The following FANCI variants were observed in gnomAD, a reference collection of about 807,000 sequenced individuals.
FANCI encodes FA complementation group I.
FANCI carries 156 observed loss-of-function variants against 176.1 expected under a neutral mutation model. That is an observed-to-expected ratio of 0.89 (90% CI 0.78 to 1.01). The LOEUF is 1.01. FANCI is among the 50% of genes least tolerant of loss of function. The pLI is 0.00. For synonymous variants in FANCI, 613 were observed against 541.7 expected, an observed-to-expected ratio of 1.13 and a Z score of -1.83; for missense variants, 1,678 against 1,534.1, an observed-to-expected ratio of 1.09 and a Z score of -1.57.
intron 9 of FANCI, among the ~76,000 whole-genome samples, chr15:89,266,328 A>ATT (rs549962840): frequency 1.0e-4 from 13 of 130,078 alleles, no homozygotes; most frequent in South Asian, 5.0e-4. Flanking sequence ...TGCCTGGCTA[A>ATT]TTTTTTTTTT....
chr15:89,314,005 A>G (rs2055083424), intron 35 of FANCI, among the ~76,000 whole-genome samples: 1 of 150,978 alleles, frequency 6.6e-6, no homozygotes, highest in South Asian at 2.1e-4. Flanking sequence ...ACACACACAA[A>G]TGTAGGACCT....
intron 10 of FANCI, among the ~76,000 whole-genome samples, chr15:89,270,222 G>C (rs774271855): frequency 6.6e-6 from 1 of 152,156 alleles, no homozygotes; most frequent in Non-Finnish European, 1.5e-5. Context: ...GCTGTATGTA[G>C]TTTGCCAACC....
intron 20 of FANCI, among the ~76,000 whole-genome samples, chr15:89,292,073 G>A (rs1353667214): frequency 3.3e-5 from 5 of 152,218 alleles, no homozygotes; most frequent in African/African-American, 1.2e-4. Context: ...TCTAGAGGAA[G>A]TATATGATTT....
intron 9 of FANCI, among the ~76,000 whole-genome samples, chr15:89,268,123 GTC>G (rs1163919536): frequency 2.6e-5 from 4 of 152,080 alleles, no homozygotes; most frequent in African/African-American, 9.7e-5. Flanking sequence ...TTGAGACAGG[GTC>G]TCTCTGTTGC....
chr15:89,254,596 G>C (rs890147313), intron 2 of FANCI, among the ~76,000 whole-genome samples: 1 of 152,144 alleles, frequency 6.6e-6, no homozygotes, highest in African/African-American at 2.4e-5. Flanking sequence ...TTGAGTCCAG[G>C]AGTTTGAGAC....
chr15:89,268,186 C>G (rs1596257652), intron 9 of FANCI, among the ~76,000 whole-genome samples: 1 of 152,180 alleles, frequency 6.6e-6, no homozygotes, highest in Non-Finnish European at 1.5e-5. Context: ...CGTCCACCTT[C>G]CGGGCTGAAG....
At position 89,317,073 on chromosome 15, in the gene FANCI, T is replaced by C; in HGVS notation, c.*614T>C. 1 of 590,550 alleles carries C rather than the reference T, an allele frequency of 1.7e-6. No individual in the cohort carries two copies. The highest frequency in any genetic ancestry group is 2.9e-5 in the East Asian group (1 of 34,918). The allele number at this position is 590,550 out of a possible 1,614,324, so 36.6% of individuals were successfully genotyped here. ...TTTGGTATTTAAAGCACAGTTTGTT[T>C]TTCTGTCACCTATAGAGTGCAAGAA... On this transcript the variant is annotated 3_prime_UTR_variant, in exon 38 of 38. Coordinates refer to ENST00000310775, the MANE Select transcript of FANCI (RefSeq NM_001113378.2).
intron 24 of FANCI, among the ~76,000 whole-genome samples, 164 bp from the exon 25 acceptor site, chr15:89,299,636 A>T (rs2054452797): frequency 6.6e-6 from 1 of 152,238 alleles, no homozygotes; most frequent in Non-Finnish European, 1.5e-5. Context: ...GCACAAGGGA[A>T]CTTTTAGAGT....
chr15:89,315,057 C>T (rs938447062), intron 36 of FANCI, among the ~76,000 whole-genome samples: 1 of 152,106 alleles, frequency 6.6e-6, no homozygotes, highest in Admixed American at 6.5e-5. Context: ...GATCCTTCCA[C>T]CTTGGCCTCC....
chr15:89,277,986 A>T lies in FANCI; in HGVS notation c.1294-701A>T, dbSNP rs147753330. Among the ~76,000 whole-genome samples, 526 of 152,338 alleles carry T rather than the reference A, an allele frequency of 3.5e-3. 2 individuals carry two copies. The highest frequency in any genetic ancestry group is 0.012 in the African/African-American group (508 of 41,570). ...TTGAGAGTTATCAGTGTATTTGATG[A>T]TATAAATTACCCTGCTTAACAGTGA... On this transcript the variant is annotated intron_variant, in intron 13 of 37. Coordinates refer to ENST00000310775, the MANE Select transcript of FANCI (RefSeq NM_001113378.2).
At chr15:89,249,559 G>A (rs758943188) in intron 2 of FANCI, among the ~76,000 whole-genome samples, 1 of 152,036 alleles carries the variant, frequency 6.6e-6, no homozygotes, top group African/African-American at 2.4e-5. Flanking sequence ...TGCTTTCCAG[G>A]CTGGTCTTGA....
Position 89,316,816 on chromosome 15 carries a change from C to A in FANCI, c.*357C>A, listed in dbSNP as rs142460560. 3.7e-6 allele frequency: 6 copies of A among 1,613,476 alleles called. No individual in the cohort carries two copies. Among genetic ancestry groups the A allele is most frequent in the Non-Finnish European group, 5.1e-6 (6 of 1,179,448 alleles). On this transcript the variant is annotated 3_prime_UTR_variant, in exon 38 of 38. Coordinates refer to ENST00000310775, the MANE Select transcript of FANCI (RefSeq NM_001113378.2). Reference sequence around the variant, plus strand: ...GTGAGTTCAATTATCTGGTAAATATCCAGCGCTTCACCTGAAAGATAGTGC... The same window carrying A: ...GTGAGTTCAATTATCTGGTAAATATACAGCGCTTCACCTGAAAGATAGTGC...
At chr15:89,308,571 A>C (rs1051556830) in intron 34 of FANCI, among the ~76,000 whole-genome samples, 1 of 152,224 alleles carries the variant, frequency 6.6e-6, no homozygotes, top group Non-Finnish European at 1.5e-5. Flanking sequence ...CTGCCTCTGC[A>C]TCACTTACAG....
chr15:89,283,315 G>A (rs769042910), intron 17 of FANCI, 65 bp downstream of exon 17: 43 of 1,606,834 alleles, frequency 2.7e-5, no homozygotes, highest in Admixed American at 1.3e-4. Context: ...TGAAATGCAC[G>A]CTGTTTTCTT....
intron 2 of FANCI, among the ~76,000 whole-genome samples, chr15:89,252,800 A>C (rs1232877509): frequency 6.6e-6 from 1 of 152,180 alleles, no homozygotes; most frequent in East Asian, 1.9e-4. Context: ...AAAACTATGA[A>C]ACACTTCTGA....
chr15:89,311,185 G>A (rs1596333704), intron 34 of FANCI, among the ~76,000 whole-genome samples: 1 of 152,108 alleles, frequency 6.6e-6, no homozygotes, highest in South Asian at 2.1e-4. Flanking sequence ...CTTGAACCCG[G>A]GAGGTGGAGG....
chr15:89,283,041 T>C, intron 16 of FANCI, 95 bp from the exon 17 acceptor site: 2 of 1,166,770 alleles, frequency 1.7e-6, no homozygotes, highest in Non-Finnish European at 2.6e-6. Context: ...TTTATACATA[T>C]GCCTTCTCTG....
At chr15:89,273,614 C>G in intron 11 of FANCI, 145 bp downstream of exon 11, 2 of 644,724 alleles carry the variant, frequency 3.1e-6, no homozygotes, top group Non-Finnish European at 5.6e-6. Flanking sequence ...TGCAATAAGA[C>G]ATGTATGTCC....
chr15:89,307,584 C>A (rs750159769), intron 33 of FANCI, 29 bp from the exon 34 acceptor site: 1 of 1,614,210 alleles, frequency 6.2e-7, no homozygotes, highest in Non-Finnish European at 8.5e-7. Flanking sequence ...CTGCTGGTTA[C>A]ATTGGTTTCC....
Sources: gnomAD v4.1 joint callset for allele counts (sites outside exome capture counted in the v4.1 genomes callset) on GRCh38, gnomAD v4.1.1 for gene constraint, MANE v1.5 for transcripts, NCBI Gene and HGNC (gene_info 2026-07-23, HGNC 2026-07-21) for gene names.